AKAP12: variants seen among roughly 807,000 people sequenced by gnomAD.
The protein encoded by AKAP12 is A-kinase anchoring protein 12.
AKAP12 carries 32 observed loss-of-function variants against 79.9 expected under a neutral mutation model. The observed-to-expected ratio is 0.40, with a 90% CI of 0.30 to 0.54. AKAP12 has a LOEUF of 0.54. Among genes scored for constraint, AKAP12 ranks in the 20% least tolerant of loss-of-function variants. AKAP12 has a pLI of 0.48. For missense variants in AKAP12, 2,074 were observed against 2,177.0 expected, an observed-to-expected ratio of 0.95 and a Z score of 0.94; for synonymous variants, 808 against 857.0, an observed-to-expected ratio of 0.94 and a Z score of 1.00.
chr6:151,277,246 G>A (rs965147206), intron 2 of AKAP12, among the ~76,000 whole-genome samples: 4 of 152,150 alleles, frequency 2.6e-5, no homozygotes, highest in Admixed American at 6.5e-5. Flanking sequence ...AGATACTTTT[G>A]TCAGTTATGA....
rs1390551907 is a variant in AKAP12 at position 151,352,103 on chromosome 6, A to C, written c.3712A>C (p.Lys1238Gln). ...CCAGGAAGAAACTAAAGAACAATCA[A>C]AGATGGAAGACACTCTAGAGCATAC... is the stretch of plus-strand genomic sequence containing the variant. ...VFQEETKEQS[K>Q]MEDTLEHTDK... The change falls in exon 4 of 5, where the codon AAG (lysine) becomes CAG (glutamine). Residue 1238 changes from lysine (K) to glutamine (Q), a missense_variant. Lys to Gln is a moderately conservative substitution (Grantham distance 53). This residue lies in a region of AKAP12 where 614 missense variants were observed against 665.6 expected (regional missense o/e 0.92). Coordinates refer to ENST00000402676, the MANE Select transcript of AKAP12 (RefSeq NM_005100.4). 1 of 1,614,168 alleles carries C rather than the reference A, an allele frequency of 6.2e-7. No individual in the cohort carries two copies. Among genetic ancestry groups the C allele is most frequent in the Non-Finnish European group, 8.5e-7 (1 of 1,180,036 alleles).
rs145059917 is a variant in AKAP12, at chr6:151,350,055, C to T, written c.1664C>T (p.Pro555Leu). ...GEHTQVPADSPDSQEEQKGES... is the reference protein window; with the variant it reads ...GEHTQVPADSLDSQEEQKGES... ...CACACTCAGGTTCCAGCCGATTCTC[C>T]GGACAGCCAGGAGGAGCAAAAGGGC... Residue 555 changes from proline (P) to leucine (L), a missense_variant, in exon 4 of 5, where the codon CCG (proline) becomes CTG (leucine). Pro to Leu is a moderately conservative substitution (Grantham distance 98, BLOSUM62 -3). Coordinates refer to ENST00000402676, the MANE Select transcript of AKAP12 (RefSeq NM_005100.4). This position sits in a 1 kb window ranked among gnomAD's most constrained non-coding sequence, Gnocchi z 4.8. The T allele has an allele frequency of 3.8e-5, 61 of 1,614,062 alleles. 1 individual carries two copies. The highest frequency in any genetic ancestry group is 1.3e-4 in the East Asian group (6 of 44,858).
At chr6:151,279,808 C>G (rs1776361986) in intron 2 of AKAP12, among the ~76,000 whole-genome samples, 1 of 151,954 alleles carries the variant, frequency 6.6e-6, no homozygotes, top group Admixed American at 6.6e-5. Flanking sequence ...GATTGCACCA[C>G]TGCACTCCAT....
In AKAP12 at chr6:151,271,699, G is replaced by T. The variant is rs528380064; in HGVS notation, c.162+30975G>T. 2.0e-3 allele frequency among the ~76,000 whole-genome samples: 303 copies of T among 152,030 alleles called. 1 individual carries two copies. The highest frequency in any genetic ancestry group is 3.4e-3 in the Middle Eastern group (1 of 294). ...TTTGAGACAGAGTCTCAGCTCTGTC[G>T]CCCAGGCTGGAGTGCAGTGGTGCGA... On this transcript the variant is annotated intron_variant, in intron 2 of 4. Coordinates refer to ENST00000402676, the MANE Select transcript of AKAP12 (RefSeq NM_005100.4).
At chr6:151,243,754 C>T (rs770729441) in intron 2 of AKAP12, among the ~76,000 whole-genome samples, 33 of 152,224 alleles carry the variant, frequency 2.2e-4, no homozygotes, top group Non-Finnish European at 2.9e-4. Context: ...TGAGACATGG[C>T]CGTTTCACAA....
intron 3 of AKAP12, among the ~76,000 whole-genome samples, chr6:151,315,669 T>C (rs1438805133): frequency 6.6e-6 from 1 of 152,224 alleles, no homozygotes; most frequent in Non-Finnish European, 1.5e-5. Context: ...TGATATAGTC[T>C]AGAGCATGAT....
intron 2 of AKAP12, among the ~76,000 whole-genome samples, chr6:151,255,366 G>A (rs1797271985): frequency 6.6e-6 from 1 of 152,078 alleles, no homozygotes; most frequent in African/African-American, 2.4e-5. Flanking sequence ...GCTTCTCCAT[G>A]TTGAGGGTGG....
chr6:151,302,779 A>G (rs1377796198), intron 2 of AKAP12, among the ~76,000 whole-genome samples: 1 of 152,118 alleles, frequency 6.6e-6, no homozygotes, highest in African/African-American at 2.4e-5. Flanking sequence ...TAGGTTTAAG[A>G]TTCACTGGGT....
chr6:151,271,580 C>T (rs1194482076), intron 2 of AKAP12, among the ~76,000 whole-genome samples: 1 of 152,050 alleles, frequency 6.6e-6, no homozygotes, highest in Non-Finnish European at 1.5e-5. Context: ...CCTCGGCCTC[C>T]CAAAGTGCTG....
rs1778347440 is a variant in AKAP12, at chr6:151,353,165, C to G, written c.4774C>G (p.Gln1592Glu). 3 of 1,614,040 alleles carry G rather than the reference C, an allele frequency of 1.9e-6. No individual in the cohort carries two copies. The highest frequency in any genetic ancestry group is 1.7e-5 in the Admixed American group (1 of 59,998). Reference sequence around the variant, plus strand: ...AAAAGCTGACAGCCAGGACGCTGGACAGGAAACGGAGAAAGAAGGAGAGGA... The same window carrying G: ...AAAAGCTGACAGCCAGGACGCTGGAGAGGAAACGGAGAAAGAAGGAGAGGA... ...VIKADSQDAG[Q>E]ETEKEGEEPQ... is the part of the protein sequence containing the mutation. Residue 1592 changes from glutamine to glutamate, a missense_variant, in exon 4 of 5, where the codon CAG (glutamine) becomes GAG (glutamate). Gln to Glu is a conservative substitution (Grantham distance 29). Transcript: ENST00000402676.
intron 2 of AKAP12, among the ~76,000 whole-genome samples, chr6:151,281,689 G>A (rs1018912353): frequency 6.6e-6 from 1 of 152,116 alleles, no homozygotes; most frequent in African/African-American, 2.4e-5. Context: ...CTCCACACAC[G>A]TTTGTTTTAT....
intron 2 of AKAP12, among the ~76,000 whole-genome samples, chr6:151,249,104 G>A (rs1247778589): frequency 6.6e-6 from 1 of 152,072 alleles, no homozygotes; most frequent in Non-Finnish European, 1.5e-5. Flanking sequence ...GTGACTTTTC[G>A]GTGTTCCCCT....
intron 2 of AKAP12, among the ~76,000 whole-genome samples, chr6:151,300,568 G>T (rs576250666): frequency 6.6e-6 from 1 of 152,318 alleles, no homozygotes; most frequent in South Asian, 2.1e-4. Flanking sequence ...GAGGTCCCTA[G>T]CACGTTGTGG....
Position 151,240,671 on chromosome 6 carries a change from G to C in AKAP12, c.109G>C (p.Ala37Pro). Residue 37 changes from alanine (A) to proline (P), a missense_variant, in exon 2 of 5, where the codon GCG (alanine) becomes CCG (proline). Ala to Pro is a conservative substitution (Grantham distance 27). This residue lies in a region of AKAP12 where 1,428 missense variants were observed against 1,451.0 expected (regional missense o/e 0.98). Transcript: ENST00000402676. ...PSGGGPSAEA[A>P]PDTTADPAIA... ...CGGCGGCGGCCCCTCGGCCGAGGCG[G>C]CGCCAGACACCACCGCGGACCCCGC... 1.5e-6 allele frequency: 2 copies of C among 1,304,458 alleles called. No individual in the cohort carries two copies. Among genetic ancestry groups the C allele is most frequent in the Non-Finnish European group, 1.9e-6 (2 of 1,030,148 alleles). 80.8% of individuals were successfully genotyped at this position (1,304,458 alleles called of 1,614,324 possible). A position where few individuals can be genotyped will look rare whatever the true frequency, so the allele number is the denominator to read the frequency against.
At chr6:151,325,521 C>A (rs1562740021) in intron 3 of AKAP12, 4 of 985,236 alleles carry the variant, frequency 4.1e-6, no homozygotes, top group Non-Finnish European at 4.8e-6. Flanking sequence ...AAGCACGTGA[C>A]CCCCTGCTTG....
chr6:151,281,414 G>T (rs192051842), intron 2 of AKAP12, among the ~76,000 whole-genome samples: 1 of 152,174 alleles, frequency 6.6e-6, no homozygotes, highest in Admixed American at 6.5e-5. Flanking sequence ...CTGTAATTCT[G>T]TAGGTCTATG....
At chr6:151,253,721 CTT>C (rs35030000) in intron 2 of AKAP12, among the ~76,000 whole-genome samples, 20,971 of 150,852 alleles carry the variant, frequency 0.14, 2,195 homozygotes, top group East Asian at 0.57. Flanking sequence ...TCACAAATGA[CTT>C]TTTTTTTTGA....
intron 3 of AKAP12, chr6:151,324,326 C>A: frequency 1.0e-6 from 1 of 985,354 alleles, no homozygotes; most frequent in Non-Finnish European, 1.2e-6. Context: ...TTTGGAGAGG[C>A]TGAAGCTGAT....
chr6:151,333,676 G>T (rs1777739122), intron 3 of AKAP12, among the ~76,000 whole-genome samples: 1 of 151,166 alleles, frequency 6.6e-6, no homozygotes. Flanking sequence ...CCGGGAGGTG[G>T]AGGCTGCAGT....
Sources: allele counts gnomAD v4.1 joint callset (sites outside exome capture counted in the v4.1 genomes callset), GRCh38; gene constraint gnomAD v4.1.1; regional missense constraint gnomAD v4.1.1; non-coding constraint Gnocchi (gnomAD v3.1); transcripts MANE v1.5; gene names NCBI Gene and HGNC (gene_info 2026-07-23, HGNC 2026-07-21).